Variants in SGCZ observed in about 807,000 individuals in gnomAD.
SGCZ encodes zeta-sarcoglycan.
A neutral mutation model predicts 41.3 loss-of-function variants in SGCZ; 40 were observed. That is an observed-to-expected ratio of 0.97 (90% CI 0.75 to 1.26). The LOEUF (loss-of-function observed/expected upper bound fraction) is 1.26, where lower values mean the gene tolerates loss of function less well. Ranked by LOEUF, SGCZ falls within the 50% of genes most tolerant of loss-of-function variation. The pLI is 0.00. For synonymous variants in SGCZ, 206 were observed against 137.5 expected, an observed-to-expected ratio of 1.50 and a Z score of -3.49; for missense variants, 552 against 369.8, an observed-to-expected ratio of 1.49 and a Z score of -4.04.
chr8:15,232,660 CAT>C (rs1271766736), intron 1 of SGCZ, among the ~76,000 whole-genome samples: 6 of 114,788 alleles, frequency 5.2e-5, no homozygotes, highest in Admixed American at 3.5e-4. Context: ...TATATATATA[CAT>C]ATATATGTGT....
At chr8:14,467,589 C>T (rs949062911) in intron 2 of SGCZ, among the ~76,000 whole-genome samples, 2 of 152,056 alleles carry the variant, frequency 1.3e-5, no homozygotes, top group African/African-American at 4.8e-5. Flanking sequence ...AAATTAACTA[C>T]AATTTACCAT....
At chr8:15,153,272 C>T (rs1433598276) in intron 1 of SGCZ, among the ~76,000 whole-genome samples, 1 of 152,136 alleles carries the variant, frequency 6.6e-6, no homozygotes, top group African/African-American at 2.4e-5. Flanking sequence ...AACTTTTGAG[C>T]TGCTGCAACT....
chr8:14,332,345 G>A (rs1179612760), intron 2 of SGCZ, among the ~76,000 whole-genome samples: 3 of 152,148 alleles, frequency 2.0e-5, no homozygotes, highest in Non-Finnish European at 4.4e-5. Context: ...GGAGGTTGGG[G>A]CAGGAGAATG....
intron 1 of SGCZ, among the ~76,000 whole-genome samples, chr8:15,015,194 G>C (rs1802979828): frequency 6.6e-6 from 1 of 151,612 alleles, no homozygotes; most frequent in Non-Finnish European, 1.5e-5. Context: ...AGTGAGCCAA[G>C]ATCACGCCAC....
At chr8:14,412,845 T>C (rs762395198) in intron 2 of SGCZ, among the ~76,000 whole-genome samples, 9 of 152,062 alleles carry the variant, frequency 5.9e-5, no homozygotes, top group Non-Finnish European at 1.5e-5. Context: ...GTATTTGACA[T>C]TCTGAAACTT....
At chr8:14,994,315 G>A (rs1326225684) in intron 1 of SGCZ, among the ~76,000 whole-genome samples, 3 of 152,082 alleles carry the variant, frequency 2.0e-5, no homozygotes, top group Non-Finnish European at 4.4e-5. Flanking sequence ...TGGGCATGGT[G>A]GCTCCCGCCT....
At chr8:14,480,599 G>A (rs539275507) in intron 2 of SGCZ, among the ~76,000 whole-genome samples, 1 of 152,002 alleles carries the variant, frequency 6.6e-6, no homozygotes, top group African/African-American at 2.4e-5. Flanking sequence ...TTCTCATCAT[G>A]CTGACTCCTT....
intron 1 of SGCZ, among the ~76,000 whole-genome samples, chr8:14,997,814 G>C (rs531581610): frequency 3.3e-5 from 5 of 152,072 alleles, no homozygotes; most frequent in Non-Finnish European, 5.9e-5. Flanking sequence ...ACAAAAATTA[G>C]GCAGGCCTGA....
intron 1 of SGCZ, among the ~76,000 whole-genome samples, chr8:14,838,782 G>C (rs1242280761): frequency 6.6e-6 from 1 of 152,060 alleles, no homozygotes; most frequent in Non-Finnish European, 1.5e-5. Flanking sequence ...GTATCTTTTC[G>C]TGGAGCTGCA....
intron 1 of SGCZ, among the ~76,000 whole-genome samples, chr8:15,208,225 G>A (rs1167320828): frequency 6.6e-6 from 1 of 152,192 alleles, no homozygotes; most frequent in Non-Finnish European, 1.5e-5. Flanking sequence ...GGAAAACGAT[G>A]ATGAAAGCAT....
intron 1 of SGCZ, among the ~76,000 whole-genome samples, chr8:14,826,749 T>C (rs1802336830): frequency 6.6e-6 from 1 of 152,234 alleles, no homozygotes; most frequent in African/African-American, 2.4e-5. Flanking sequence ...GAAGTGTCTG[T>C]TTATATCCTT....
At chr8:14,230,910 T>TA (rs1041723914) in intron 4 of SGCZ, among the ~76,000 whole-genome samples, 13 of 152,022 alleles carry the variant, frequency 8.6e-5, no homozygotes, top group African/African-American at 3.1e-4. Context: ...TAAAGGAATA[T>TA]AGTTTCCCTT....
chr8:14,315,637 G>A (rs1231835844), intron 3 of SGCZ, among the ~76,000 whole-genome samples: 1 of 152,030 alleles, frequency 6.6e-6, no homozygotes, highest in African/African-American at 2.4e-5. Context: ...AGACACATGA[G>A]ATGTGGCCTA....
chr8:14,929,243 G>A (rs1481839118), intron 1 of SGCZ, among the ~76,000 whole-genome samples: 6 of 151,962 alleles, frequency 3.9e-5, no homozygotes, highest in African/African-American at 9.7e-5. Flanking sequence ...CACCCGCCTC[G>A]GCCTCCCAAA....
In SGCZ at chr8:15,093,003, A is replaced by T. The variant is rs143098580; in HGVS notation, c.39+144582T>A. On this transcript the variant is annotated intron_variant, in intron 1 of 7. Coordinates refer to ENST00000382080, the MANE Select transcript of SGCZ (RefSeq NM_139167.4). Reference sequence around the variant, plus strand: ...CCACATATGACAAATACACGCTTTTAGTATCACACTCCCTAGGGCGTCATT... The same window carrying T: ...CCACATATGACAAATACACGCTTTTTGTATCACACTCCCTAGGGCGTCATT... 7.6e-3 allele frequency among the ~76,000 whole-genome samples: 1,164 copies of T among 152,304 alleles called. 8 individuals carry two copies. The highest frequency in any genetic ancestry group is 8.6e-3 in the Non-Finnish European group (584 of 68,032).
intron 3 of SGCZ, among the ~76,000 whole-genome samples, chr8:14,255,282 C>G (rs1275003590): frequency 6.6e-6 from 1 of 152,136 alleles, no homozygotes; most frequent in African/African-American, 2.4e-5. Context: ...ACTTTGAACT[C>G]TTAGGTTGTT....
At chr8:14,375,113 G>GACAA (rs1477072838) in intron 2 of SGCZ, among the ~76,000 whole-genome samples, 1 of 100,730 alleles carries the variant, frequency 9.9e-6, no homozygotes, top group African/African-American at 2.7e-5. Context: ...TAGATAGATA[G>GACAA]ACAGACAGAC....
chr8:14,766,498 T>C (rs1190742173), intron 1 of SGCZ, among the ~76,000 whole-genome samples: 3 of 152,116 alleles, frequency 2.0e-5, no homozygotes, highest in East Asian at 3.9e-4. Flanking sequence ...ACTCAACAGA[T>C]GTTTGTTTAA....
intron 5 of SGCZ, among the ~76,000 whole-genome samples, chr8:14,127,038 G>A (rs973454533): frequency 2.6e-5 from 4 of 152,048 alleles, no homozygotes; most frequent in Admixed American, 1.3e-4. Context: ...GCTTAATACC[G>A]AGGTGACAAG....
Sources: allele counts gnomAD v4.1 joint callset (sites outside exome capture counted in the v4.1 genomes callset), GRCh38; gene constraint gnomAD v4.1.1; transcripts MANE v1.5; gene names NCBI Gene and HGNC (gene_info 2026-07-23, HGNC 2026-07-21).